Variants in XKR4 observed in about 807,000 individuals in gnomAD.
XKR4 encodes the protein XK-related protein 4.
XKR4 carries 12 observed loss-of-function variants against 53.9 expected under a neutral mutation model. The ratio of observed to expected loss-of-function variants is 0.22; its 90% CI spans 0.14 to 0.36. XKR4 has a LOEUF of 0.36. Ranked by LOEUF, XKR4 falls within the 10% of genes least tolerant of loss-of-function variation. The pLI, the probability that XKR4 is intolerant of heterozygous loss-of-function variation, is 1.00. For missense variants in XKR4, 799 were observed against 859.5 expected (o/e 0.93, Z 0.88); for synonymous variants, 354 against 362.4 (o/e 0.98, Z 0.26).
chr8:55,465,491 T>A (rs535005326), intron 2 of XKR4, among the ~76,000 whole-genome samples: 1,616 of 151,686 alleles, frequency 0.011, 34 homozygotes, highest in African/African-American at 0.038. Context: ...TAACTCAAGA[T>A]GGATTAAAGA....
Position 55,299,740 on chromosome 8 carries a change from C to A in XKR4, c.807-57938C>A, listed in dbSNP as rs116840548. 2.4e-3 allele frequency among the ~76,000 whole-genome samples: 367 copies of A among 152,148 alleles called. 2 individuals are homozygous for A. The highest frequency in any genetic ancestry group is 8.4e-3 in the African/African-American group (347 of 41,502). On this transcript the variant is annotated intron_variant, in intron 1 of 2. Coordinates refer to ENST00000327381, the MANE Select transcript of XKR4 (RefSeq NM_052898.2). ...GTGACAGCTGGAATTCTGTTGTGTG[C>A]GCTGAATGTCAGGTGCCTGATCCTC...
rs139765129 is a variant in XKR4 at position 55,166,798 on chromosome 8, GAGA to G, written c.806+63507_806+63509del. ...GTGTCTGGAGTGAGCAGTGGGTGAA[GAGA>G]AGGAGATAAGGATGGGACCAAACCC... On this transcript the variant is annotated intron_variant, in intron 1 of 2. Coordinates refer to ENST00000327381, the MANE Select transcript of XKR4 (RefSeq NM_052898.2). Among the ~76,000 whole-genome samples the G allele has an allele frequency of 8.3e-3, 1,271 of 152,332 alleles. 13 individuals are homozygous for G. The highest frequency in any genetic ancestry group is 0.013 in the Non-Finnish European group (865 of 68,034).
intron 2 of XKR4, among the ~76,000 whole-genome samples, chr8:55,479,895 G>C (rs182484924): frequency 1.5e-4 from 23 of 152,214 alleles, no homozygotes; most frequent in African/African-American, 5.1e-4. Context: ...TCTGAAAATT[G>C]TGGCAATAAT....
At chr8:55,396,398 G>GTTTTTTTTTT (rs1478254228) in intron 2 of XKR4, among the ~76,000 whole-genome samples, 1 of 36,476 alleles carries the variant, frequency 2.7e-5, no homozygotes, top group African/African-American at 2.3e-4. Flanking sequence ...TTTTTTGTTT[G>GTTTTTTTTTT]GTTTTTTTTT....
intron 1 of XKR4, among the ~76,000 whole-genome samples, chr8:55,125,758 A>G (rs1299900463): frequency 6.6e-6 from 1 of 152,158 alleles, no homozygotes; most frequent in Non-Finnish European, 1.5e-5. Context: ...AAGAATATGC[A>G]AAGACAATTC....
intron 1 of XKR4, among the ~76,000 whole-genome samples, chr8:55,224,139 T>A (rs539542212): frequency 1.3e-4 from 20 of 152,320 alleles, no homozygotes; most frequent in Admixed American, 1.2e-3. Context: ...CATTTTTGCC[T>A]CCTTCCTCTA....
intron 1 of XKR4, among the ~76,000 whole-genome samples, chr8:55,266,065 G>A (rs947930651): frequency 2.0e-5 from 3 of 151,872 alleles, no homozygotes; most frequent in African/African-American, 7.3e-5. Flanking sequence ...GCCTGAGGTG[G>A]GAGGATTGCT....
intron 2 of XKR4, among the ~76,000 whole-genome samples, chr8:55,435,607 T>TC (rs1177139704): frequency 6.6e-6 from 1 of 151,744 alleles, no homozygotes; most frequent in Non-Finnish European, 1.5e-5. Context: ...TCTTGCTCTT[T>TC]CTCTCAAGAA....
chr8:55,128,655 A>G (rs1385118675), intron 1 of XKR4, among the ~76,000 whole-genome samples: 1 of 152,240 alleles, frequency 6.6e-6, no homozygotes, highest in African/African-American at 2.4e-5. Flanking sequence ...TCATTTAAAC[A>G]TGTCGGAAAA....
intron 2 of XKR4, among the ~76,000 whole-genome samples, chr8:55,428,106 T>A (rs78640413): frequency 0.022 from 3,413 of 152,336 alleles, 54 homozygotes; most frequent in Middle Eastern, 0.037. Context: ...GTAGGACTTC[T>A]GCATCCAGGA....
At chr8:55,504,174 G>T (rs2622567) in intron 2 of XKR4, among the ~76,000 whole-genome samples, 26,382 of 149,214 alleles carry the variant, frequency 0.18, 2,834 homozygotes, top group East Asian at 0.25. Flanking sequence ...TTTCTTTTTT[G>T]TTGTTGTTGT....
At chr8:55,254,688 G>T (rs1046034625) in intron 1 of XKR4, among the ~76,000 whole-genome samples, 6 of 152,096 alleles carry the variant, frequency 3.9e-5, no homozygotes, top group African/African-American at 1.2e-4. Context: ...AAACTGTTCG[G>T]GGAACCCTAG....
chr8:55,130,587 C>G (rs1816539646), intron 1 of XKR4, among the ~76,000 whole-genome samples: 1 of 152,190 alleles, frequency 6.6e-6, no homozygotes, highest in Non-Finnish European at 1.5e-5. Flanking sequence ...ATACCAGCCC[C>G]TTTGGACAGA....
At chr8:55,202,046 G>A (rs140257737) in intron 1 of XKR4, among the ~76,000 whole-genome samples, 87 of 152,322 alleles carry the variant, frequency 5.7e-4, no homozygotes, top group South Asian at 1.7e-3. Flanking sequence ...AAGAGTAACT[G>A]CTCAAGAATT....
chr8:55,118,948 C>T (rs1365160504), intron 1 of XKR4, among the ~76,000 whole-genome samples: 1 of 151,632 alleles, frequency 6.6e-6, no homozygotes, highest in Non-Finnish European at 1.5e-5. Flanking sequence ...ATCTATAGCA[C>T]TTTTTTTTCA....
chr8:55,124,521 G>GTCATTTT (rs1228278069), intron 1 of XKR4, among the ~76,000 whole-genome samples: 1 of 152,114 alleles, frequency 6.6e-6, no homozygotes, highest in Non-Finnish European at 1.5e-5. Flanking sequence ...TTCAGTTGGT[G>GTCATTTT]TCATTTTTAA....
chr8:55,129,811 A>G (rs531534060), intron 1 of XKR4, among the ~76,000 whole-genome samples: 5 of 152,228 alleles, frequency 3.3e-5, no homozygotes, highest in South Asian at 2.1e-4. Flanking sequence ...ATTGACATGG[A>G]TGATACTGGA....
At chr8:55,457,220 G>A (rs1369007503) in intron 2 of XKR4, among the ~76,000 whole-genome samples, 1 of 145,296 alleles carries the variant, frequency 6.9e-6, no homozygotes, top group East Asian at 2.0e-4. Context: ...TCTGCTCATT[G>A]CAAGTTCTGC....
chr8:55,402,580 A>G (rs1038347899), intron 2 of XKR4, among the ~76,000 whole-genome samples: 2 of 152,150 alleles, frequency 1.3e-5, no homozygotes, highest in Non-Finnish European at 2.9e-5. Flanking sequence ...AGCCCCATCC[A>G]TTTCTGCAGC....
Sources: allele counts gnomAD v4.1 joint callset (sites outside exome capture counted in the v4.1 genomes callset), GRCh38; gene constraint gnomAD v4.1.1; transcripts MANE v1.5; gene names NCBI Gene and HGNC (gene_info 2026-07-23, HGNC 2026-07-21).